GNAI2: variants seen among roughly 807,000 people sequenced by gnomAD.
The protein encoded by GNAI2 is guanine nucleotide-binding protein G(i) subunit alpha-2.
Under a neutral mutation model 36.8 loss-of-function variants are expected in GNAI2, and 4 were observed. The ratio of observed to expected loss-of-function variants is 0.11; its 90% CI spans 0.05 to 0.25. The LOEUF is 0.25. Among genes scored for constraint, GNAI2 ranks in the 10% least tolerant of loss-of-function variants. GNAI2 has a pLI of 1.00. For missense variants in GNAI2, 230 were observed against 481.3 expected (o/e 0.48, Z 4.89); for synonymous variants, 194 against 194.1 (o/e 1.00, Z 0.01).
intron 5 of GNAI2, 76 bp downstream of exon 5, chr3:50,256,396 G>A: frequency 7.3e-7 from 1 of 1,368,996 alleles, no homozygotes; most frequent in Non-Finnish European, 1.0e-6. Flanking sequence ...GGCTGGTCCA[G>A]GATCCCCCAG....
At chr3:50,245,299 G>A (rs1700391696) in intron 1 of GNAI2, among the ~76,000 whole-genome samples, 1 of 152,214 alleles carries the variant, frequency 6.6e-6, no homozygotes, top group African/African-American at 2.4e-5. Context: ...CGCCCCGCCA[G>A]TGCCGTGATT....
intron 4 of GNAI2, among the ~76,000 whole-genome samples, chr3:50,254,533 G>A (rs1553702922): frequency 6.6e-6 from 1 of 152,176 alleles, no homozygotes; most frequent in African/African-American, 2.4e-5. Context: ...TGGCCTGAAT[G>A]CTCTTGTGAA....
rs2109225256 is a variant in GNAI2 at position 50,259,109 on chromosome 3, T to A, written c.*766T>A. On this transcript the variant is annotated 3_prime_UTR_variant, in exon 9 of 9. Coordinates refer to ENST00000313601, the MANE Select transcript of GNAI2 (RefSeq NM_002070.4). ...CCACAGAATTGGGTTCCAAGGGCTG[T>A]TCCAGACAACTGCCAACGTCACTGA... is the stretch of plus-strand genomic sequence containing the variant. The A allele has an allele frequency of 1.7e-5, 6 of 357,948 alleles. 1 individual carries two copies. The highest frequency in any genetic ancestry group is 1.3e-4 in the South Asian group (6 of 46,748). 22.2% of individuals were successfully genotyped at this position (357,948 alleles called of 1,614,324 possible).
rs12485390 is a variant in GNAI2, at chr3:50,253,398, A to G, written c.464+214A>G. 0.053 allele frequency among the ~76,000 whole-genome samples: 8,136 copies of G among 152,196 alleles called. 1,548 individuals carry two copies. The East Asian group carries it at 0.6, about 11-fold the overall frequency. ...GAGGAATGACAGGCAGGTGGCTTAT[A>G]CAGTACATCTCTTCCAGGCCAGTTG... On this transcript the variant is annotated intron_variant, in intron 4 of 8. Transcript: ENST00000313601. This position sits in a 1 kb window ranked among gnomAD's most constrained non-coding sequence, Gnocchi z 4.2.
chr3:50,239,822 G>A (rs931168787), intron 1 of GNAI2: 1 of 152,280 alleles, frequency 6.6e-6, no homozygotes, highest in Non-Finnish European at 1.5e-5. Context: ...ACTGCTAGAG[G>A]GCTGCTGTCT....
intron 1 of GNAI2, among the ~76,000 whole-genome samples, chr3:50,248,981 G>A (rs1464733018): frequency 2.0e-5 from 3 of 152,064 alleles, no homozygotes; most frequent in Admixed American, 6.5e-5. Context: ...GCAGGGTCAC[G>A]AAGCGGCCCA....
upstream of GNAI2, among the ~76,000 whole-genome samples, chr3:50,228,051 A>G (rs145851753): frequency 4.8e-3 from 733 of 152,252 alleles, 8 homozygotes; most frequent in African/African-American, 0.016. Context: ...AGCCCGCCCA[A>G]ACCTGCTGGA....
At chr3:50,240,918 C>CAA (rs11302773) in intron 1 of GNAI2, among the ~76,000 whole-genome samples, 1 of 86,738 alleles carries the variant, frequency 1.2e-5, no homozygotes, top group Non-Finnish European at 2.4e-5. Context: ...GACTCTGTCT[C>CAA]AAAAAAAAAA....
intron 1 of GNAI2, among the ~76,000 whole-genome samples, chr3:50,240,964 C>A (rs1700286952): frequency 6.6e-6 from 1 of 151,718 alleles, no homozygotes; most frequent in Non-Finnish European, 1.5e-5. Flanking sequence ...GATGAGGGAC[C>A]CACTGCTGAG....
At chr3:50,229,554 C>T (rs1412621664), upstream of GNAI2, 1 of 152,342 alleles carries the variant, frequency 6.6e-6, no homozygotes, top group Non-Finnish European at 1.5e-5. Context: ...TCCATGATGC[C>T]TCATGGCAGT....
At position 50,253,452 on chromosome 3, in the gene GNAI2, A is replaced by G. The variant is rs1700614253; in HGVS notation, c.464+268A>G. On this transcript the variant is annotated intron_variant, in intron 4 of 8. Coordinates refer to ENST00000313601, the MANE Select transcript of GNAI2 (RefSeq NM_002070.4). This position sits in a 1 kb window ranked among gnomAD's most constrained non-coding sequence, Gnocchi z 4.2. Reference sequence around the variant, plus strand: ...CTGATCTGTCTTGACAGTCTTCTAAAGAACATTTGCGGCCGGGCGTGGTGG... The same window carrying G: ...CTGATCTGTCTTGACAGTCTTCTAAGGAACATTTGCGGCCGGGCGTGGTGG... Among the ~76,000 whole-genome samples, 1 of 152,196 alleles carries G rather than the reference A, an allele frequency of 6.6e-6. No individual in the cohort carries two copies. Among genetic ancestry groups the G allele is most frequent in the African/African-American group, 2.4e-5 (1 of 41,450 alleles).
At chr3:50,257,273 C>A (rs1266456225) in intron 7 of GNAI2, among the ~76,000 whole-genome samples, 183 bp downstream of exon 7, 3 of 152,208 alleles carry the variant, frequency 2.0e-5, no homozygotes, top group Non-Finnish European at 4.4e-5. Flanking sequence ...CCTTAACACA[C>A]TCAAGCATGT....
intron 1 of GNAI2, among the ~76,000 whole-genome samples, chr3:50,250,323 C>T (rs1553702253): frequency 6.6e-6 from 1 of 152,118 alleles, no homozygotes; most frequent in East Asian, 1.9e-4. Flanking sequence ...TTGTTTTGAC[C>T]AGCCCCAAGG....
rs1452307847 is a variant in GNAI2, at chr3:50,236,906, C to A, written c.118+453C>A. Among the ~76,000 whole-genome samples the A allele has an allele frequency of 6.6e-6, 1 of 152,184 alleles. No homozygotes were observed. Among genetic ancestry groups the A allele is most frequent in the African/African-American group, 2.4e-5 (1 of 41,436 alleles). On this transcript the variant is annotated intron_variant, in intron 1 of 8. Coordinates refer to ENST00000313601, the MANE Select transcript of GNAI2 (RefSeq NM_002070.4). The surrounding 1 kb of genome is among the most constrained non-coding windows in gnomAD (Gnocchi z 4.0). Reference sequence around the variant, plus strand: ...CCCGCGGGGCCCCTGCCAGGCCCCCCACCCACTCCCTCCTTCTCCTTCTGT... The same window carrying A: ...CCCGCGGGGCCCCTGCCAGGCCCCCAACCCACTCCCTCCTTCTCCTTCTGT...
intron 1 of GNAI2, among the ~76,000 whole-genome samples, chr3:50,251,054 A>C (rs997473398): frequency 6.6e-6 from 1 of 151,788 alleles, no homozygotes; most frequent in Non-Finnish European, 1.5e-5. Flanking sequence ...CAGGTGATCC[A>C]CCTGCCTCAG....
Position 50,252,569 on chromosome 3 carries a change from C to A in GNAI2, c.303+31C>A, listed in dbSNP as rs1553702665. 4 of 1,591,946 alleles carry A rather than the reference C, an allele frequency of 2.5e-6. No individual in the cohort carries two copies. In the South Asian group the frequency reaches 3.3e-5, roughly 13 times the overall value. Reference sequence around the variant, plus strand: ...TGCCCTCCGCCCCACCCTCTCCCACCTCCCAAAAGGTTTCGGGGTGGCTGG... The same window carrying A: ...TGCCCTCCGCCCCACCCTCTCCCACATCCCAAAAGGTTTCGGGGTGGCTGG... On this transcript the variant is annotated intron_variant, in intron 3 of 8. Transcript: ENST00000313601. The surrounding 1 kb of genome is among the most constrained non-coding windows in gnomAD (Gnocchi z 4.1).
At chr3:50,227,722 G>A (rs1575431431), upstream of GNAI2, among the ~76,000 whole-genome samples, 1 of 152,230 alleles carries the variant, frequency 6.6e-6, no homozygotes, top group African/African-American at 2.4e-5. The surrounding 1 kb of genome is among the most constrained non-coding windows in gnomAD (Gnocchi z 5.9). Flanking sequence ...ACTGGGAGTG[G>A]ACAAGGGGGA....
chr3:50,237,631 G>C (rs1700206886), intron 1 of GNAI2, among the ~76,000 whole-genome samples: 1 of 152,178 alleles, frequency 6.6e-6, no homozygotes, highest in Non-Finnish European at 1.5e-5. Flanking sequence ...GGGCCAGCTG[G>C]GGGTGGGCCA....
At chr3:50,239,724 CCTGAGAGAGTT>C (rs1700259073) in intron 1 of GNAI2, 1 of 152,254 alleles carries the variant, frequency 6.6e-6, no homozygotes, top group Admixed American at 6.5e-5. Context: ...TATGCTGGCA[CCTGAGAGAGTT>C]CTTATCCCAC....
Sources: gnomAD v4.1 joint callset for allele counts (sites outside exome capture counted in the v4.1 genomes callset) on GRCh38, gnomAD v4.1.1 for gene constraint, Gnocchi (gnomAD v3.1) non-coding constraint, MANE v1.5 for transcripts, NCBI Gene and HGNC (gene_info 2026-07-23, HGNC 2026-07-21) for gene names.